MATN2: variants seen among roughly 807,000 people sequenced by gnomAD.
MATN2 encodes matrilin 2.
A neutral mutation model predicts 103.2 loss-of-function variants in MATN2; 69 were observed. That is an observed-to-expected ratio of 0.67 (90% CI 0.55 to 0.82). The LOEUF (loss-of-function observed/expected upper bound fraction) is 0.82. Ranked by LOEUF, MATN2 falls within the 40% of genes least tolerant of loss-of-function variation. The pLI is 0.00. For missense variants in MATN2, 1,023 were observed against 1,211.5 expected (o/e 0.84, Z 2.31); for synonymous variants, 429 against 450.2 (o/e 0.95, Z 0.60).
chr8:97,949,976 G>T (rs1312460428), intron 4 of MATN2, among the ~76,000 whole-genome samples: 1 of 152,196 alleles, frequency 6.6e-6, no homozygotes, highest in African/African-American at 2.4e-5. Context: ...TAATGACAGA[G>T]AGCAGATTAG....
At chr8:97,984,204 A>C (rs1346684144) in intron 6 of MATN2, among the ~76,000 whole-genome samples, 2 of 152,086 alleles carry the variant, frequency 1.3e-5, no homozygotes, top group African/African-American at 4.8e-5. Flanking sequence ...GAATACCCCC[A>C]CTGACAGGAT....
At chr8:98,010,408 G>T (rs1432925280) in intron 10 of MATN2, among the ~76,000 whole-genome samples, 1 of 152,190 alleles carries the variant, frequency 6.6e-6, no homozygotes, top group Non-Finnish European at 1.5e-5. Context: ...TTTAAATCGT[G>T]TCGCTTCTAC....
At chr8:98,003,057 G>A (rs183524137) in intron 7 of MATN2, among the ~76,000 whole-genome samples, 3 of 151,480 alleles carry the variant, frequency 2.0e-5, no homozygotes, top group Admixed American at 1.3e-4. Context: ...CATGCCCCTC[G>A]CCCTCATCCC....
Position 97,885,952 on chromosome 8 carries a change from C to G in MATN2, c.-26-2123C>G, listed in dbSNP as rs183597429. ...GGAGGTGAGCAGTGGGCGAGCTCAG[C>G]TTCATCTGTATTTACAGCCGCTCCC... On this transcript the variant is annotated intron_variant, in intron 1 of 18. Coordinates refer to ENST00000254898, the MANE Select transcript of MATN2 (RefSeq NM_002380.5). Among the ~76,000 whole-genome samples the G allele has an allele frequency of 2.3e-3, 346 of 152,336 alleles. 1 individual carries two copies. Among genetic ancestry groups the G allele is most frequent in the African/African-American group, 7.4e-3 (308 of 41,590 alleles).
intron 16 of MATN2, 135 bp downstream of exon 16, chr8:98,032,452 A>G: frequency 1.5e-6 from 1 of 665,990 alleles, no homozygotes; most frequent in South Asian, 1.9e-5. Flanking sequence ...CCTCAAAAAG[A>G]TAGTTAACAT....
At chr8:97,932,756 C>A (rs1262885961) in intron 3 of MATN2, among the ~76,000 whole-genome samples, 1 of 152,216 alleles carries the variant, frequency 6.6e-6, no homozygotes, top group Non-Finnish European at 1.5e-5. Flanking sequence ...AATGTCCCAC[C>A]CTGACTTGTC....
chr8:97,887,976 T>A, intron 1 of MATN2, 99 bp from the exon 2 acceptor site: 1 of 1,180,078 alleles, frequency 8.5e-7, no homozygotes, highest in Non-Finnish European at 1.2e-6. Context: ...GTGGTCTGTT[T>A]GAACTCTGAA....
chr8:97,870,484 C>T (rs1406309563), intron 1 of MATN2, among the ~76,000 whole-genome samples: 2 of 151,800 alleles, frequency 1.3e-5, no homozygotes, highest in African/African-American at 4.8e-5. Context: ...TGCCATTGCA[C>T]TCCAGCCTGG....
chr8:98,035,841 C>T lies in MATN2; in HGVS notation c.*129C>T. Reference sequence around the variant, plus strand: ...AAGTAAAACAATCAGTACTGAGAAACCTGGTTTGCCACAGAACAAAGACAA... The same window carrying T: ...AAGTAAAACAATCAGTACTGAGAAATCTGGTTTGCCACAGAACAAAGACAA... On this transcript the variant is annotated 3_prime_UTR_variant, in exon 19 of 19. Transcript: ENST00000254898. 4.1e-6 allele frequency: 2 copies of T among 491,212 alleles called. No homozygotes were observed. Among genetic ancestry groups the T allele is most frequent in the Non-Finnish European group, 7.2e-6 (2 of 279,016 alleles). The allele number at this position is 491,212 out of a possible 1,614,324, so 30.4% of individuals were successfully genotyped here.
intron 8 of MATN2, 98 bp downstream of exon 8, chr8:98,003,881 G>C: frequency 7.0e-7 from 1 of 1,424,904 alleles, no homozygotes; most frequent in Admixed American, 1.8e-5. Context: ...GAGCCCACCG[G>C]GTTTCCTGAT....
Position 98,003,736 on chromosome 8 carries a change from G to T in MATN2, c.1280G>T (p.Arg427Leu), listed in dbSNP as rs772600060. The T allele has an allele frequency of 6.2e-7, 1 of 1,613,608 alleles. No homozygotes were observed. Among genetic ancestry groups the T allele is most frequent in the Non-Finnish European group, 8.5e-7 (1 of 1,179,756 alleles). The change falls in exon 8 of 19, where the codon CGC (arginine) becomes CTC (leucine). Residue 427 changes from arginine (R) to leucine (L), a missense_variant. By Grantham distance (102) the Arg-to-Leu change is moderately radical (BLOSUM62 -2). Transcript: ENST00000254898. ...CVNMEESYYC[R>L]CHRGYTLDPN... is the part of the protein sequence containing the mutation. ...AACATGGAGGAGAGCTACTACTGCC[G>T]CTGCCACCGTGGCTACACTCTGGAC...
Position 98,007,291 on chromosome 8 carries a change from G to A in MATN2, c.1450+64G>A. 6.2e-7 allele frequency: 1 copy of A among 1,606,152 alleles called. No homozygotes were observed. Among genetic ancestry groups the A allele is most frequent in the South Asian group, 1.1e-5 (1 of 90,650 alleles). ...CACCAGGAGTGAAACCTATGTGACT[G>A]CAGAGGGCACAGGTTGTACTTGGGC... On this transcript the variant is annotated intron_variant, in intron 9 of 18. Transcript: ENST00000254898. The surrounding 1 kb of genome is among the most constrained non-coding windows in gnomAD (Gnocchi z 4.2).
At chr8:97,892,573 A>G (rs1032124907) in intron 2 of MATN2, among the ~76,000 whole-genome samples, 2 of 152,168 alleles carry the variant, frequency 1.3e-5, no homozygotes, top group African/African-American at 4.8e-5. Flanking sequence ...ATGCATGGAT[A>G]TGTAGTTGGA....
intron 7 of MATN2, among the ~76,000 whole-genome samples, chr8:97,997,010 A>AT (rs1425093946): frequency 6.6e-6 from 1 of 152,242 alleles, no homozygotes; most frequent in Non-Finnish European, 1.5e-5. Flanking sequence ...CTTGGCCAGG[A>AT]TTTGTTCTTG....
chr8:97,971,047 G>A (rs1811637658), intron 5 of MATN2, among the ~76,000 whole-genome samples: 1 of 152,186 alleles, frequency 6.6e-6, no homozygotes, highest in Admixed American at 6.5e-5. Context: ...TGGAAGAGGA[G>A]TTGGTCAACA....
chr8:97,910,147 C>T (rs561231676), intron 2 of MATN2, among the ~76,000 whole-genome samples: 1 of 151,602 alleles, frequency 6.6e-6, no homozygotes, highest in African/African-American at 2.4e-5. Context: ...CTGCAACCTC[C>T]GCCTCCCAGG....
chr8:97,995,290 A>G (rs1290969208), intron 7 of MATN2, among the ~76,000 whole-genome samples: 1 of 152,196 alleles, frequency 6.6e-6, no homozygotes, highest in African/African-American at 2.4e-5. Context: ...AAGCTCAAAG[A>G]GTGCTTGGCA....
rs1397172138 is a variant in MATN2 at position 98,027,397 on chromosome 8, T to C, written c.1943-19T>C. 20 of 1,558,660 alleles carry C rather than the reference T, an allele frequency of 1.3e-5. No individual in the cohort carries two copies. Among genetic ancestry groups the C allele is most frequent in the Admixed American group, 1.9e-5 (1 of 52,546 alleles). ...TGATTTTTTATTCAACTATGTCAAC[T>C]TTCCTTCTGTTCATATAGAATGCAC... On this transcript the variant is annotated intron_variant, in intron 13 of 18. Coordinates refer to ENST00000254898, the MANE Select transcript of MATN2 (RefSeq NM_002380.5).
chr8:97,994,982 G>A (rs995617188), intron 7 of MATN2, among the ~76,000 whole-genome samples: 5 of 152,184 alleles, frequency 3.3e-5, no homozygotes, highest in Non-Finnish European at 4.4e-5. Context: ...GACACTTGAC[G>A]GATGCTAAGA....
Sources: allele counts gnomAD v4.1 joint callset (sites outside exome capture counted in the v4.1 genomes callset), GRCh38; gene constraint gnomAD v4.1.1; non-coding constraint Gnocchi (gnomAD v3.1); transcripts MANE v1.5; gene names NCBI Gene and HGNC (gene_info 2026-07-23, HGNC 2026-07-21).